Variants in SMARCA4 observed in about 807,000 individuals in gnomAD.
SMARCA4 encodes SWI/SNF-related matrix-associated actin-dependent regulator of chromatin subfamily A member 4.
SMARCA4 carries 31 observed loss-of-function variants against 193.9 expected under a neutral mutation model. The ratio of observed to expected loss-of-function variants is 0.16; its 90% CI spans 0.12 to 0.22. SMARCA4 has a LOEUF of 0.22. SMARCA4 is among the 10% of genes least tolerant of loss of function. SMARCA4 has a pLI of 1.00. For synonymous variants in SMARCA4, 942 were observed against 933.1 expected (o/e 1.01, Z -0.17); for missense variants, 1,148 against 2,296.0 (o/e 0.50, Z 10.22).
intron 11 of SMARCA4, among the ~76,000 whole-genome samples, chr19:10,999,206 A>G (rs910511379): frequency 1.3e-5 from 2 of 152,028 alleles, no homozygotes; most frequent in Non-Finnish European, 1.5e-5. Context: ...ATGCCTGGCT[A>G]TATTTCGTAT....
chr19:11,051,543 TGCAGTA>T (rs987658181), intron 30 of SMARCA4, among the ~76,000 whole-genome samples: 1 of 146,684 alleles, frequency 6.8e-6, no homozygotes, highest in Non-Finnish European at 1.5e-5. Context: ...CAGGCTGGAG[TGCAGTA>T]GCCTGATCTC....
In SMARCA4 at chr19:10,985,925, G is replaced by T. The variant is rs1351189547; in HGVS notation, c.356-264G>T. The stretch of plus-strand genomic sequence containing the variant: ...CCTGTGGACAGGCAGGCGGAAGCCG[G>T]GAGAGAGCCGTGATTTCATGCACAG... On this transcript the variant is annotated intron_variant, in intron 3 of 34. Coordinates refer to ENST00000344626, the MANE Select transcript of SMARCA4 (RefSeq NM_003072.5). The surrounding 1 kb of genome is among the most constrained non-coding windows in gnomAD (Gnocchi z 4.5). Among the ~76,000 whole-genome samples, 1 of 152,138 alleles carries T rather than the reference G, an allele frequency of 6.6e-6. No homozygotes were observed. The highest frequency in any genetic ancestry group is 1.5e-5 in the Non-Finnish European group (1 of 68,036).
intron 9 of SMARCA4, 22 bp from the exon 10 acceptor site, chr19:10,996,191 A>G (rs2087025253): frequency 3.7e-6 from 6 of 1,613,780 alleles, no homozygotes; most frequent in Non-Finnish European, 5.1e-6. Flanking sequence ...ACCACATTGC[A>G]GTAACCCCCA....
rs1483380926 is a variant in SMARCA4 at position 11,009,934 on chromosome 19, A to C, written c.2124-447A>C. On this transcript the variant is annotated intron_variant, in intron 14 of 34. Transcript: ENST00000344626. Reference sequence around the variant, plus strand: ...GAATTCCTGACCTCAGGTGATCCACATGCCTTGGCCTCCCAAAGTGCTGGG... The same window carrying C: ...GAATTCCTGACCTCAGGTGATCCACCTGCCTTGGCCTCCCAAAGTGCTGGG... Among the ~76,000 whole-genome samples, 5 of 151,592 alleles carry C rather than the reference A, an allele frequency of 3.3e-5. No homozygotes were observed. In the South Asian group the frequency reaches 1.0e-3, roughly 32 times the overall value.
At chr19:10,970,546 A>G (rs920501039) in intron 1 of SMARCA4, among the ~76,000 whole-genome samples, 2 of 152,296 alleles carry the variant, frequency 1.3e-5, no homozygotes, top group South Asian at 4.1e-4. Flanking sequence ...AGCTGGGACT[A>G]CAGGTGTGCA....
rs146427223 is a variant in SMARCA4 at position 11,060,151 on chromosome 19, C to T, written c.4875C>T (p.Val1625=). 5.0e-5 allele frequency: 78 copies of T among 1,551,172 alleles called. No homozygotes were observed. In the African/African-American group the frequency reaches 5.6e-4, roughly 11 times the overall value. Residue 1625 remains valine (V), a synonymous_variant, in exon 34 of 35, where the codon GTC becomes GTT. Transcript: ENST00000344626. ...RPSRGSRAKP[V]VSDDDSEEEQ... is the part of the protein sequence containing the mutation. Reference sequence around the variant, plus strand: ...GCCGAGGGTCCCGAGCCAAGCCGGTCGTGAGTGACGATGACAGTGAGGAGG... The same window carrying T: ...GCCGAGGGTCCCGAGCCAAGCCGGTTGTGAGTGACGATGACAGTGAGGAGG...
At chr19:11,053,248 C>T (rs1364782634) in intron 30 of SMARCA4, among the ~76,000 whole-genome samples, 1 of 152,122 alleles carries the variant, frequency 6.6e-6, no homozygotes, top group Non-Finnish European at 1.5e-5. Context: ...CTTCGGGAGG[C>T]CAAGGCTGGC....
rs768959387 is a variant in SMARCA4 at position 10,987,956 on chromosome 19, G to A, written c.1118+32G>A. On this transcript the variant is annotated intron_variant, in intron 6 of 34. Transcript: ENST00000344626. This position sits in a 1 kb window ranked among gnomAD's most constrained non-coding sequence, Gnocchi z 5.3. ...GCGGGGCCCAGTTGCCAAGGTCACT[G>A]CCCTGTGTCCCCCATGTCCCCCTGG... The A allele has an allele frequency of 6.2e-7, 1 of 1,609,642 alleles. No individual in the cohort carries two copies. Among genetic ancestry groups the A allele is most frequent in the South Asian group, 1.1e-5 (1 of 90,648 alleles).
rs757516325 is a variant in SMARCA4, at chr19:10,991,285, A to C, written c.1381A>C (p.Lys461Gln). ...RITEKLEKQQ[K>Q]IEQERKRRQK... ...CACTGAGAAGCTGGAGAAGCAGCAG[A>C]AGATCGAGCAGGAGCGCAAGCGCCG... Residue 461 changes from lysine to glutamine, a missense_variant, in exon 8 of 35, where the codon AAG becomes CAG. Physicochemically the swap from Lys to Gln is moderately conservative, Grantham distance 53. Transcript: ENST00000344626. 4 of 1,610,620 alleles carry C rather than the reference A, an allele frequency of 2.5e-6. No homozygotes were observed. The highest frequency in any genetic ancestry group is 2.5e-6 in the Non-Finnish European group (3 of 1,178,726).
chr19:10,992,792 G>A (rs191166710), intron 8 of SMARCA4, among the ~76,000 whole-genome samples: 1 of 152,106 alleles, frequency 6.6e-6, no homozygotes, highest in East Asian at 1.9e-4. Flanking sequence ...GTTTCACTAT[G>A]TTGGCCAGGC....
chr19:10,996,008 A>G, intron 9 of SMARCA4: 1 of 653,372 alleles, frequency 1.5e-6, no homozygotes, highest in Non-Finnish European at 2.8e-6. Context: ...CTGTCTGCCT[A>G]GCGGGTGCCC....
rs148055156 is a variant in SMARCA4 at position 10,996,520 on chromosome 19, G to T, written c.1788G>T (p.Thr596=). The T allele has an allele frequency of 6.2e-7, 1 of 1,614,198 alleles. No individual in the cohort carries two copies. Among genetic ancestry groups the T allele is most frequent in the East Asian group, 2.2e-5 (1 of 44,882 alleles). The change falls in exon 11 of 35, where the codon ACG becomes ACT. Residue 596 remains threonine (T), a synonymous_variant. Transcript: ENST00000344626. ...AGGCAGAAAATGCAGAAGGACAGAC[G>T]CCTGCCATTGGGCCGGATGGCGAGG... is the stretch of plus-strand genomic sequence containing the variant. ...KKKAENAEGQ[T]PAIGPDGEPL... is the part of the protein sequence containing the mutation.
intron 13 of SMARCA4, among the ~76,000 whole-genome samples, chr19:11,006,682 G>C (rs914364041): frequency 2.6e-5 from 4 of 152,138 alleles, no homozygotes; most frequent in African/African-American, 9.7e-5. Context: ...TGCTTTAGTA[G>C]GTCAGCAGAG....
rs74180004 is a variant in SMARCA4 at position 11,011,232 on chromosome 19, CT to C, written c.2274+713del. The C allele has an allele frequency of 1.0e-2, 1,464 of 146,740 alleles. 15 individuals carry two copies. Among genetic ancestry groups the C allele is most frequent in the African/African-American group, 0.029 (1,164 of 39,990 alleles). The allele number at this position is 146,740 out of a possible 1,614,324, so 9.1% of individuals were successfully genotyped here. A position where few individuals can be genotyped will look rare whatever the true frequency, so the allele number is the denominator to read the frequency against. On this transcript the variant is annotated intron_variant, in intron 15 of 34. Coordinates refer to ENST00000344626, the MANE Select transcript of SMARCA4 (RefSeq NM_003072.5). The stretch of plus-strand genomic sequence containing the variant: ...TCAATTTGGTTGTTTCTTTTCTTTT[CT>C]TTTTTTTTTTTGAAACGGAGCCTCT...
intron 11 of SMARCA4, among the ~76,000 whole-genome samples, chr19:11,001,301 T>C (rs1181181762): frequency 6.6e-6 from 1 of 151,990 alleles, no homozygotes; most frequent in Non-Finnish European, 1.5e-5. Context: ...AGACTCTGTC[T>C]CTCCAAAAAA....
At chr19:11,020,142 G>C (rs1262541831) in intron 18 of SMARCA4, among the ~76,000 whole-genome samples, 1 of 152,218 alleles carries the variant, frequency 6.6e-6, no homozygotes, top group East Asian at 1.9e-4. Context: ...GAGCTCGAGG[G>C]CCAAATACCA....
intron 6 of SMARCA4, 117 bp downstream of exon 6, chr19:10,988,041 A>C: frequency 9.5e-7 from 1 of 1,050,408 alleles, no homozygotes; most frequent in African/African-American, 1.6e-5. Context: ...CACCACTGCC[A>C]CTTGGCCTAC....
At chr19:11,036,124 C>T (rs142659741) in intron 29 of SMARCA4, among the ~76,000 whole-genome samples, 21 of 152,254 alleles carry the variant, frequency 1.4e-4, no homozygotes, top group African/African-American at 4.6e-4. Context: ...TGAAACACAC[C>T]AGGAGCCCAG....
At chr19:11,007,844 G>GT in intron 13 of SMARCA4, 58 bp from the exon 14 acceptor site, 1 of 1,602,778 alleles carries the variant, frequency 6.2e-7, no homozygotes, top group Non-Finnish European at 8.5e-7. Flanking sequence ...CCCCATGGGA[G>GT]TCCCGTCCCC....
Sources: gnomAD v4.1 joint callset for allele counts (sites outside exome capture counted in the v4.1 genomes callset) on GRCh38, gnomAD v4.1.1 for gene constraint, Gnocchi (gnomAD v3.1) non-coding constraint, MANE v1.5 for transcripts, NCBI Gene and HGNC (gene_info 2026-07-23, HGNC 2026-07-21) for gene names.